Variants in CHD7 observed in about 807,000 individuals in gnomAD.
CHD7 encodes the protein chromodomain helicase DNA binding protein 7.
A neutral mutation model predicts 307.3 loss-of-function variants in CHD7; 24 were observed. That is an observed-to-expected ratio of 0.08 (90% CI 0.06 to 0.11). CHD7 has a LOEUF of 0.11. Ranked by LOEUF, CHD7 falls within the 10% of genes least tolerant of loss-of-function variation. The pLI, the probability that CHD7 is intolerant of heterozygous loss-of-function variation, is 1.00. For missense variants in CHD7, 3,106 were observed against 3,727.1 expected (o/e 0.83, Z 4.34); for synonymous variants, 1,363 against 1,349.9 (o/e 1.01, Z -0.21).
intron 2 of CHD7, among the ~76,000 whole-genome samples, chr8:60,769,628 T>C (rs1810623340): frequency 1.3e-5 from 2 of 152,230 alleles, no homozygotes; most frequent in African/African-American, 2.4e-5. Context: ...AATATCTAAC[T>C]AGAATGTCTT....
intron 1 of CHD7, among the ~76,000 whole-genome samples, chr8:60,689,201 G>T (rs752181777): frequency 6.6e-6 from 1 of 152,204 alleles, no homozygotes; most frequent in Non-Finnish European, 1.5e-5. Flanking sequence ...AACTGGTAAC[G>T]TGTGGATTTA....
chr8:60,779,005 A>G (rs1322872762), intron 2 of CHD7, among the ~76,000 whole-genome samples: 2 of 152,160 alleles, frequency 1.3e-5, no homozygotes, highest in Non-Finnish European at 2.9e-5. Context: ...ACATCTGTGT[A>G]TTCTTCTTCA....
intron 2 of CHD7, among the ~76,000 whole-genome samples, chr8:60,772,982 C>T (rs1404127415): frequency 2.0e-5 from 3 of 152,128 alleles, no homozygotes; most frequent in Non-Finnish European, 4.4e-5. Context: ...CATTGGAGAC[C>T]CTGCGTTTTG....
At chr8:60,771,504 G>A (rs1228232709) in intron 2 of CHD7, among the ~76,000 whole-genome samples, 4 of 152,168 alleles carry the variant, frequency 2.6e-5, no homozygotes, top group African/African-American at 4.8e-5. Flanking sequence ...CAGATTTTTA[G>A]ATTAGGGATA....
chr8:60,774,390 A>G (rs1273671310), intron 2 of CHD7, among the ~76,000 whole-genome samples: 1 of 152,254 alleles, frequency 6.6e-6, no homozygotes, highest in East Asian at 1.9e-4. Flanking sequence ...GCCACATGTA[A>G]CTATACAACA....
intron 1 of CHD7, among the ~76,000 whole-genome samples, chr8:60,690,263 T>C (rs1048692774): frequency 2.6e-5 from 4 of 152,218 alleles, no homozygotes; most frequent in Non-Finnish European, 5.9e-5. Context: ...ATGGTGTATT[T>C]TTGGATTTTG....
intron 7 of CHD7, among the ~76,000 whole-genome samples, chr8:60,814,999 A>G (rs2150736230): frequency 6.6e-6 from 1 of 152,338 alleles, no homozygotes. Flanking sequence ...TTCGAGTTTT[A>G]GAGCATTTTG....
At chr8:60,689,385 G>C (rs535448852) in intron 1 of CHD7, among the ~76,000 whole-genome samples, 2 of 152,348 alleles carry the variant, frequency 1.3e-5, no homozygotes, top group African/African-American at 4.8e-5. Flanking sequence ...TATTTCTGCT[G>C]AATCCTAAAG....
chr8:60,745,008 C>T (rs1017737460), intron 2 of CHD7, among the ~76,000 whole-genome samples: 30 of 150,330 alleles, frequency 2.0e-4, no homozygotes, highest in African/African-American at 7.3e-4. Context: ...AAGCTGCCCT[C>T]AGCCGGTGGG....
At position 60,738,843 on chromosome 8, in the gene CHD7, A is replaced by G. The variant is rs574091234; in HGVS notation, c.-174-2416A>G. ...GCGACATGCTTAGTTGATACCATATAATGCTGGCGTTTTTCAAGCGTCTGG... is the reference window on the plus strand; with the variant it reads ...GCGACATGCTTAGTTGATACCATATGATGCTGGCGTTTTTCAAGCGTCTGG... On this transcript the variant is annotated intron_variant, in intron 1 of 37. Coordinates refer to ENST00000423902, the MANE Select transcript of CHD7 (RefSeq NM_017780.4). Among the ~76,000 whole-genome samples, 5 of 152,172 alleles carry G rather than the reference A, an allele frequency of 3.3e-5. No individual in the cohort carries two copies. In the East Asian group the frequency reaches 9.6e-4, roughly 29 times the overall value.
chr8:60,712,293 T>A (rs1807316878), intron 1 of CHD7, among the ~76,000 whole-genome samples: 2 of 152,250 alleles, frequency 1.3e-5, no homozygotes, highest in Admixed American at 1.3e-4. Flanking sequence ...TGACTGAACT[T>A]CTACAGCTTA....
At chr8:60,843,930 G>A (rs1331504490) in intron 21 of CHD7, among the ~76,000 whole-genome samples, 1 of 152,212 alleles carries the variant, frequency 6.6e-6, no homozygotes, top group South Asian at 2.1e-4. Context: ...AGAGGACCAG[G>A]GAGTGACAAG....
At position 60,856,607 on chromosome 8, in the gene CHD7, G is replaced by C; in HGVS notation, c.7327G>C (p.Asp2443His). 1 of 1,614,028 alleles carries C rather than the reference G, an allele frequency of 6.2e-7. No homozygotes were observed. The highest frequency in any genetic ancestry group is 8.5e-7 in the Non-Finnish European group (1 of 1,179,886). The change falls in exon 34 of 38, where the codon GAT (aspartate) becomes CAT (histidine). Residue 2443 changes from aspartate (D) to histidine (H), a missense_variant. This residue lies in a region of CHD7 where 1,030 missense variants were observed against 1,165.4 expected (regional missense o/e 0.88). Transcript: ENST00000423902. ...AGAAAATGGACAAGAAAAAGTTGTA[G>C]ATTTATCAAAGGCCTCAAGAGAGGC... ...VSENGQEKVVDLSKASREATS... is the reference protein window; with the variant it reads ...VSENGQEKVVHLSKASREATS...
At chr8:60,726,955 C>G (rs1808190958) in intron 1 of CHD7, among the ~76,000 whole-genome samples, 1 of 152,140 alleles carries the variant, frequency 6.6e-6, no homozygotes, top group African/African-American at 2.4e-5. Flanking sequence ...TTACTTGTCT[C>G]TGTCCCTCTG....
At chr8:60,839,111 G>A (rs1804861291) in intron 19 of CHD7, among the ~76,000 whole-genome samples, 1 of 152,122 alleles carries the variant, frequency 6.6e-6, no homozygotes, top group Non-Finnish European at 1.5e-5. Context: ...TGCCATATCT[G>A]GAAAGCATGA....
intron 19 of CHD7, among the ~76,000 whole-genome samples, chr8:60,838,598 A>G (rs1010568892): frequency 2.0e-5 from 3 of 152,202 alleles, no homozygotes; most frequent in Admixed American, 1.3e-4. Context: ...AACAGCCTAT[A>G]AGAATGATCA....
chr8:60,855,506 T>C (rs1222934700), intron 32 of CHD7, among the ~76,000 whole-genome samples: 2 of 152,208 alleles, frequency 1.3e-5, no homozygotes, highest in Non-Finnish European at 2.9e-5. Context: ...TGAACTTTAT[T>C]AATAGTGACG....
chr8:60,712,993 T>C (rs1379994137), intron 1 of CHD7, among the ~76,000 whole-genome samples: 1 of 140,228 alleles, frequency 7.1e-6, no homozygotes, highest in Non-Finnish European at 1.5e-5. Context: ...GGAGTTACGC[T>C]GAGCCGAGAT....
intron 15 of CHD7, among the ~76,000 whole-genome samples, chr8:60,831,174 G>A (rs4507803): frequency 0.77 from 117,699 of 152,072 alleles, 45,760 homozygotes; most frequent in East Asian, 0.94. Context: ...CATTAAGGTA[G>A]TAAATATTTC....
Sources: allele counts gnomAD v4.1 joint callset (sites outside exome capture counted in the v4.1 genomes callset), GRCh38; gene constraint gnomAD v4.1.1; regional missense constraint gnomAD v4.1.1; transcripts MANE v1.5; gene names NCBI Gene and HGNC (gene_info 2026-07-23, HGNC 2026-07-21).